Variants in NCAM1 observed in about 807,000 individuals in gnomAD.
The protein encoded by NCAM1 is antigen recognized by monoclonal antibody 5.1H11.
NCAM1 carries 14 observed loss-of-function variants against 109.8 expected under a neutral mutation model. The ratio of observed to expected loss-of-function variants is 0.13; its 90% CI spans 0.08 to 0.20. NCAM1 has a LOEUF of 0.20. Ranked by LOEUF, NCAM1 falls within the 10% of genes least tolerant of loss-of-function variation. NCAM1 has a pLI of 1.00. For missense variants in NCAM1, 774 were observed against 1,109.9 expected, an observed-to-expected ratio of 0.70 and a Z score of 4.30; for synonymous variants, 418 against 442.9, an observed-to-expected ratio of 0.94 and a Z score of 0.70.
chr11:113,115,254 G>A (rs1591338309), intron 1 of NCAM1, among the ~76,000 whole-genome samples: 1 of 152,062 alleles, frequency 6.6e-6, no homozygotes, highest in Non-Finnish European at 1.5e-5. Context: ...GTACAAAACA[G>A]CTTGGAAATA....
At chr11:113,239,499 C>CTTTTTTTTTTTTTTTTTTTTTTTTTTT (rs55641415) in intron 14 of NCAM1, among the ~76,000 whole-genome samples, 1 of 110,220 alleles carries the variant, frequency 9.1e-6, no homozygotes. Context: ...TGAGTCTCTA[C>CTTTTTTTTTTTTTTTTTTTTTTTTTTT]TTTTTTTTTT....
intron 1 of NCAM1, among the ~76,000 whole-genome samples, chr11:113,022,137 G>T (rs1952403422): frequency 6.6e-6 from 1 of 152,184 alleles, no homozygotes; most frequent in Admixed American, 6.5e-5. Context: ...GGAAGGAGTT[G>T]ATTTAAGCCA....
At chr11:113,031,430 A>G (rs1952711417) in intron 1 of NCAM1, among the ~76,000 whole-genome samples, 1 of 152,136 alleles carries the variant, frequency 6.6e-6, no homozygotes, top group Admixed American at 6.6e-5. Context: ...GATGGCTCAT[A>G]CCTGTAATCT....
At chr11:113,043,255 C>G (rs1953140796) in intron 1 of NCAM1, among the ~76,000 whole-genome samples, 1 of 152,146 alleles carries the variant, frequency 6.6e-6, no homozygotes, top group South Asian at 2.1e-4. Flanking sequence ...CCTGTGTGGT[C>G]ATCAATACAG....
At chr11:113,201,436 C>G (rs1270760571) in intron 1 of NCAM1, among the ~76,000 whole-genome samples, 1 of 152,186 alleles carries the variant, frequency 6.6e-6, no homozygotes, top group Non-Finnish European at 1.5e-5. Context: ...AACCAAATAC[C>G]TGTTTGCCTT....
intron 1 of NCAM1, among the ~76,000 whole-genome samples, chr11:113,073,567 A>G (rs1555085653): frequency 6.6e-6 from 1 of 152,166 alleles, no homozygotes; most frequent in African/African-American, 2.4e-5. Flanking sequence ...GATGTTTCTC[A>G]ATTTTTTACT....
Position 113,186,062 on chromosome 11 carries a change from T to C in NCAM1, c.53-16317T>C, listed in dbSNP as rs112008188. Among the ~76,000 whole-genome samples, 294 of 152,322 alleles carry C rather than the reference T, an allele frequency of 1.9e-3. 9 individuals are homozygous for C. In the East Asian group the frequency reaches 0.04, roughly 21 times the overall value. Reference sequence around the variant, plus strand: ...TTTCAGGTTATTTCAGCAACTATCTTTTAAGGCATGGCCAGGCACTATGCT... The same window carrying C: ...TTTCAGGTTATTTCAGCAACTATCTCTTAAGGCATGGCCAGGCACTATGCT... On this transcript the variant is annotated intron_variant, in intron 1 of 19. Coordinates refer to ENST00000316851, the MANE Select transcript of NCAM1 (RefSeq NM_181351.5).
chr11:113,186,860 T>C (rs549160300), intron 1 of NCAM1, among the ~76,000 whole-genome samples: 1 of 152,312 alleles, frequency 6.6e-6, no homozygotes, highest in Admixed American at 6.5e-5. Context: ...TCCCAGCTGG[T>C]GTTTCTGGAA....
chr11:113,161,052 A>G (rs941444125), intron 1 of NCAM1, among the ~76,000 whole-genome samples: 11 of 152,190 alleles, frequency 7.2e-5, no homozygotes, highest in African/African-American at 2.4e-4. Context: ...CTTCACTGCC[A>G]TCTCACAAGA....
At position 113,208,675 on chromosome 11, in the gene NCAM1, T is replaced by C. The variant is rs554704674; in HGVS notation, c.916+673T>C. 2.6e-5 allele frequency among the ~76,000 whole-genome samples: 4 copies of C among 152,124 alleles called. No individual in the cohort carries two copies. The South Asian group carries it at 6.2e-4, about 24-fold the overall frequency. On this transcript the variant is annotated intron_variant, in intron 7 of 19. Transcript: ENST00000316851. ...CCCCACCCACCTCCACTCATCTCTC[T>C]CTCGTGACTCTTACTGTATCTTCTT...
intron 1 of NCAM1, among the ~76,000 whole-genome samples, chr11:113,116,879 A>G (rs1555094997): frequency 1.3e-5 from 2 of 151,902 alleles, no homozygotes; most frequent in African/African-American, 4.9e-5. Flanking sequence ...CCTTTTTAAC[A>G]AGGTGAGATT....
chr11:113,218,335 G>A (rs1006682861), intron 8 of NCAM1, among the ~76,000 whole-genome samples: 53 of 152,112 alleles, frequency 3.5e-4, no homozygotes, highest in Non-Finnish European at 1.0e-4. Flanking sequence ...TTGATGCCAC[G>A]GTGCCACAGT....
At chr11:112,973,334 T>G (rs1555067136) in intron 1 of NCAM1, among the ~76,000 whole-genome samples, 1 of 152,140 alleles carries the variant, frequency 6.6e-6, no homozygotes, top group Non-Finnish European at 1.5e-5. Flanking sequence ...AGAATTGGAC[T>G]TACAGTACTC....
intron 17 of NCAM1, among the ~76,000 whole-genome samples, chr11:113,268,903 C>T (rs1449057005): frequency 6.6e-6 from 1 of 152,174 alleles, no homozygotes; most frequent in Non-Finnish European, 1.5e-5. Flanking sequence ...TTCCCATCTT[C>T]AGTCTGCAGT....
At chr11:113,156,504 C>G (rs1169225371) in intron 1 of NCAM1, among the ~76,000 whole-genome samples, 1 of 151,934 alleles carries the variant, frequency 6.6e-6, no homozygotes, top group East Asian at 1.9e-4. Context: ...ATAGGAGAGC[C>G]AAGTAGAGAA....
chr11:113,252,799 CTTTTTTTTTTT>C (rs33948720), intron 15 of NCAM1, among the ~76,000 whole-genome samples: 12 of 39,704 alleles, frequency 3.0e-4, no homozygotes, highest in African/African-American at 1.2e-3. Context: ...CTATGCCCAG[CTTTTTTTTTTT>C]TTTTTTTTTT....
At chr11:113,123,328 A>G (rs868947575) in intron 1 of NCAM1, among the ~76,000 whole-genome samples, 3 of 152,218 alleles carry the variant, frequency 2.0e-5, no homozygotes, top group Non-Finnish European at 4.4e-5. Context: ...TACCCCATAC[A>G]TATGTACAAA....
At chr11:113,097,841 T>C (rs1165573690) in intron 1 of NCAM1, among the ~76,000 whole-genome samples, 3 of 152,160 alleles carry the variant, frequency 2.0e-5, no homozygotes, top group Non-Finnish European at 2.9e-5. Flanking sequence ...TTGTACAAGC[T>C]TTTGTGTTAA....
chr11:113,261,133 TG>T (rs1439898160), intron 17 of NCAM1, among the ~76,000 whole-genome samples: 1 of 151,996 alleles, frequency 6.6e-6, no homozygotes, highest in African/African-American at 2.4e-5. Context: ...TGCAGCCTGT[TG>T]GGGGGCCCCA....
Sources: gnomAD v4.1 joint callset for allele counts (sites outside exome capture counted in the v4.1 genomes callset) on GRCh38, gnomAD v4.1.1 for gene constraint, MANE v1.5 for transcripts, NCBI Gene and HGNC (gene_info 2026-07-23, HGNC 2026-07-21) for gene names.